The following LDLRAP1 variants were observed in gnomAD, a reference collection of about 807,000 sequenced individuals.
LDLRAP1 encodes the protein low density lipoprotein receptor adaptor protein 1.
A neutral mutation model predicts 37.8 loss-of-function variants in LDLRAP1; 30 were observed. That is an observed-to-expected ratio of 0.79 (90% CI 0.59 to 1.08). The LOEUF (loss-of-function observed/expected upper bound fraction) is 1.08. Ranked by LOEUF, LDLRAP1 falls within the 50% of genes least tolerant of loss-of-function variation. LDLRAP1 has a pLI of 0.00. For missense variants in LDLRAP1, 375 were observed against 401.6 expected (o/e 0.93, Z 0.57); for synonymous variants, 156 against 169.8 (o/e 0.92, Z 0.63).
the LDLRAP1 span, among the ~76,000 whole-genome samples, chr1:25,585,910 G>A: frequency 3.3e-5 from 5 of 152,208 alleles, no homozygotes; most frequent in African/African-American, 1.2e-4. Context: ...TCACTGGGCT[G>A]TGTGACTCTC....
downstream of LDLRAP1, among the ~76,000 whole-genome samples, chr1:25,569,436 CT>C (rs2124708076): frequency 6.6e-6 from 1 of 152,230 alleles, no homozygotes; most frequent in South Asian, 2.1e-4. Flanking sequence ...TCTTGAGAGA[CT>C]CAGGGTCTAG....
chr1:25,556,758 T>C (rs2044210013), intron 3 of LDLRAP1, among the ~76,000 whole-genome samples: 1 of 152,218 alleles, frequency 6.6e-6, no homozygotes, highest in South Asian at 2.1e-4. Context: ...TTACTTCATC[T>C]GAAAAACATG....
intron 1 of LDLRAP1, among the ~76,000 whole-genome samples, chr1:25,545,323 C>T (rs1215789642): frequency 1.3e-5 from 2 of 152,116 alleles, no homozygotes; most frequent in Non-Finnish European, 2.9e-5. Context: ...AATCTGGGGA[C>T]GTGGAAGAGG....
chr1:25,582,362 A>G, the LDLRAP1 span, among the ~76,000 whole-genome samples: 18 of 151,908 alleles, frequency 1.2e-4, no homozygotes, highest in South Asian at 4.2e-4. Flanking sequence ...CAAGGCGGGC[A>G]GATCACTAGA....
At chr1:25,559,434 G>A (rs2044290954) in intron 4 of LDLRAP1, among the ~76,000 whole-genome samples, 1 of 152,162 alleles carries the variant, frequency 6.6e-6, no homozygotes, top group Non-Finnish European at 1.5e-5. Flanking sequence ...AGGCCATGAG[G>A]TCAGTTACGA....
chr1:25,567,013 A>G lies in LDLRAP1; in HGVS notation c.*21A>G, dbSNP rs2044502309. 1.2e-6 allele frequency: 2 copies of G among 1,613,068 alleles called. No homozygotes were observed. The highest frequency in any genetic ancestry group is 2.2e-5 in the South Asian group (2 of 91,074). ...TCTGAGGGCCCGGGGCCAGCCGGAC[A>G]CAAGCGGCCCTGACACGTGATGGAC... On this transcript the variant is annotated 3_prime_UTR_variant, in exon 9 of 9. Transcript: ENST00000374338.
the LDLRAP1 span, among the ~76,000 whole-genome samples, chr1:25,576,928 G>GAGGA: frequency 6.6e-6 from 1 of 152,222 alleles, no homozygotes; most frequent in Non-Finnish European, 1.5e-5. Context: ...CAGACCCAAG[G>GAGGA]AGGAGCCAGC....
Position 25,543,633 on chromosome 1 carries a change from C to A in LDLRAP1, c.-66C>A. On this transcript the variant is annotated 5_prime_UTR_variant, in exon 1 of 9. Transcript: ENST00000374338. ...AGCGCGCAGCCCGCGCGCCGCAGGG[C>A]CGGGCGGAAAGTTTTTCCTGACGGA... 2 of 1,118,452 alleles carry A rather than the reference C, an allele frequency of 1.8e-6. No individual in the cohort carries two copies. The highest frequency in any genetic ancestry group is 2.2e-6 in the Non-Finnish European group (2 of 892,546). The allele number at this position is 1,118,452 out of a possible 1,614,324, so 69.3% of individuals were successfully genotyped here.
intron 1 of LDLRAP1, among the ~76,000 whole-genome samples, chr1:25,547,225 G>A (rs1051584756): frequency 1.3e-5 from 2 of 152,090 alleles, no homozygotes; most frequent in Non-Finnish European, 2.9e-5. Flanking sequence ...GCTCATGCCT[G>A]TAATCCCAGC....
rs2044503288 is a variant in LDLRAP1 at position 25,567,035 on chromosome 1, G to A, written c.*43G>A. 1 of 1,612,200 alleles carries A rather than the reference G, an allele frequency of 6.2e-7. No individual in the cohort carries two copies. Among genetic ancestry groups the A allele is most frequent in the Non-Finnish European group, 8.5e-7 (1 of 1,179,626 alleles). ...GACACAAGCGGCCCTGACACGTGAT[G>A]GACCAAAGCCACCTGCTGCGGGGGA... On this transcript the variant is annotated 3_prime_UTR_variant, in exon 9 of 9. Coordinates refer to ENST00000374338, the MANE Select transcript of LDLRAP1 (RefSeq NM_015627.3).
At chr1:25,578,652 C>A in the LDLRAP1 span, among the ~76,000 whole-genome samples, 1 of 152,046 alleles carries the variant, frequency 6.6e-6, no homozygotes, top group African/African-American at 2.4e-5. Context: ...ATAGCTGGGA[C>A]GACAGGCACA....
intron 1 of LDLRAP1, among the ~76,000 whole-genome samples, chr1:25,552,048 T>G (rs1211662277): frequency 6.6e-6 from 1 of 152,078 alleles, no homozygotes; most frequent in East Asian, 1.9e-4. Flanking sequence ...GACAGTGGCT[T>G]GCTCAAGGCA....
chr1:25,589,069 C>A, the LDLRAP1 span, among the ~76,000 whole-genome samples: 26 of 152,200 alleles, frequency 1.7e-4, 1 homozygote, highest in Admixed American at 1.2e-3. Flanking sequence ...TTTGGGAGGC[C>A]GAGGCGGGGG....
At chr1:25,550,306 A>G (rs1244311886) in intron 1 of LDLRAP1, among the ~76,000 whole-genome samples, 1 of 152,188 alleles carries the variant, frequency 6.6e-6, no homozygotes, top group East Asian at 1.9e-4. Context: ...GAGGGTAATG[A>G]GCTCACTCAA....
the LDLRAP1 span, among the ~76,000 whole-genome samples, chr1:25,576,724 C>T: frequency 6.6e-6 from 1 of 152,226 alleles, no homozygotes. Context: ...AATCCTAACC[C>T]AACACACCAT....
chr1:25,563,662 G>C lies in LDLRAP1; in HGVS notation c.618G>C (p.Leu206Phe). 1 of 1,613,532 alleles carries C rather than the reference G, an allele frequency of 6.2e-7. No homozygotes were observed. Among genetic ancestry groups the C allele is most frequent in the Non-Finnish European group, 8.5e-7 (1 of 1,180,016 alleles). Residue 206 changes from leucine (L) to phenylalanine (F), a missense_variant and splice_region_variant, in exon 7 of 9, where the codon TTG (leucine) becomes TTC (phenylalanine). Coordinates refer to ENST00000374338, the MANE Select transcript of LDLRAP1 (RefSeq NM_015627.3). ...RQDCTPSLKS[L>F]VATGNLLDLE... ...ACAACCTGACCGGATCCCTCACAGT[G>C]GTCGCCACTGGGAACCTGCTGGACT... is the stretch of plus-strand genomic sequence containing the variant.
intron 1 of LDLRAP1, among the ~76,000 whole-genome samples, chr1:25,549,579 T>C (rs1032466993): frequency 2.0e-5 from 3 of 152,300 alleles, no homozygotes; most frequent in Middle Eastern, 6.8e-3. Context: ...ATCTGTAAAA[T>C]TGCAACGTTA....
chr1:25,578,996 C>T, the LDLRAP1 span, among the ~76,000 whole-genome samples: 1 of 152,156 alleles, frequency 6.6e-6, no homozygotes, highest in Non-Finnish European at 1.5e-5. Context: ...TCTTACGTGA[C>T]CCATGCTACC....
chr1:25,557,788 C>G (rs2044244005), intron 4 of LDLRAP1, among the ~76,000 whole-genome samples: 1 of 152,038 alleles, frequency 6.6e-6, no homozygotes, highest in African/African-American at 2.4e-5. Context: ...CTCTCGGTGC[C>G]TCCTGTGTGT....
Sources: allele counts gnomAD v4.1 joint callset (sites outside exome capture counted in the v4.1 genomes callset), GRCh38; gene constraint gnomAD v4.1.1; transcripts MANE v1.5; gene names NCBI Gene and HGNC (gene_info 2026-07-23, HGNC 2026-07-21).